NTNG1: variants seen among roughly 807,000 people sequenced by gnomAD.
NTNG1 encodes the protein netrin G1.
In NTNG1, 16 loss-of-function variants were observed where a neutral mutation model predicts 54.0. That is an observed-to-expected ratio of 0.30 (90% CI 0.20 to 0.45). The LOEUF (loss-of-function observed/expected upper bound fraction) is 0.45. Ranked by LOEUF, NTNG1 falls within the 20% of genes least tolerant of loss-of-function variation. The probability of loss-of-function intolerance (pLI) is 1.00; values close to 1 mark genes in which losing one functional copy is unlikely to be tolerated. For missense variants in NTNG1, 530 were observed against 678.7 expected, an observed-to-expected ratio of 0.78 and a Z score of 2.43; for synonymous variants, 255 against 263.1, an observed-to-expected ratio of 0.97 and a Z score of 0.30.
At chr1:107,387,314 T>G (rs541864176) in intron 3 of NTNG1, among the ~76,000 whole-genome samples, 1 of 152,192 alleles carries the variant, frequency 6.6e-6, no homozygotes, top group Admixed American at 6.5e-5. Context: ...GGCCAAAAAT[T>G]TTATTCTGGT....
intron 2 of NTNG1, among the ~76,000 whole-genome samples, chr1:107,262,261 A>T (rs1452191103): frequency 6.6e-6 from 1 of 152,226 alleles, no homozygotes; most frequent in Non-Finnish European, 1.5e-5. Flanking sequence ...ACAGGGACAC[A>T]TGAGTGGAGA....
intron 4 of NTNG1, among the ~76,000 whole-genome samples, chr1:107,405,555 A>G (rs1201386026): frequency 1.3e-5 from 2 of 152,164 alleles, no homozygotes; most frequent in African/African-American, 4.8e-5. Context: ...AAATTTCTGC[A>G]TCTTTCCAAA....
chr1:107,250,669 C>G (rs574682789), intron 2 of NTNG1, among the ~76,000 whole-genome samples: 1 of 152,218 alleles, frequency 6.6e-6, no homozygotes, highest in Non-Finnish European at 1.5e-5. Flanking sequence ...AAACTGCCTT[C>G]AACCTAACTC....
At chr1:107,340,260 G>A (rs1039014202) in intron 3 of NTNG1, among the ~76,000 whole-genome samples, 10 of 151,908 alleles carry the variant, frequency 6.6e-5, no homozygotes, top group South Asian at 6.2e-4. Flanking sequence ...CCCTAAGATA[G>A]GCATATCCAG....
intron 2 of NTNG1, among the ~76,000 whole-genome samples, chr1:107,164,150 T>C (rs1655600547): frequency 6.6e-6 from 1 of 152,192 alleles, no homozygotes; most frequent in African/African-American, 2.4e-5. Flanking sequence ...TAAAAAGAGG[T>C]GCTATTTCCT....
At chr1:107,410,421 T>G (rs909942670) in intron 5 of NTNG1, 1 of 152,154 alleles carries the variant, frequency 6.6e-6, no homozygotes, top group Non-Finnish European at 1.5e-5. Flanking sequence ...CCCATTAAGG[T>G]CATTCGTACC....
chr1:107,330,446 G>A (rs1300517095), intron 3 of NTNG1, among the ~76,000 whole-genome samples: 1 of 152,144 alleles, frequency 6.6e-6, no homozygotes, highest in Non-Finnish European at 1.5e-5. Context: ...GGAGAATCCA[G>A]AAAAGCTCTC....
intron 2 of NTNG1, among the ~76,000 whole-genome samples, chr1:107,228,021 A>C (rs971894020): frequency 6.6e-6 from 1 of 152,182 alleles, no homozygotes; most frequent in Non-Finnish European, 1.5e-5. Context: ...TGACTTCTAG[A>C]TAATAAATTA....
chr1:107,429,823 T>C (rs1675143570), intron 5 of NTNG1, among the ~76,000 whole-genome samples: 1 of 152,132 alleles, frequency 6.6e-6, no homozygotes, highest in Admixed American at 6.6e-5. Context: ...TGAATTGGAT[T>C]TACAACTTCT....
At chr1:107,335,648 T>G (rs1010250560) in intron 3 of NTNG1, among the ~76,000 whole-genome samples, 1 of 151,392 alleles carries the variant, frequency 6.6e-6, no homozygotes, top group Non-Finnish European at 1.5e-5. Context: ...AATTTTTATC[T>G]AATTAGTTAT....
intron 5 of NTNG1, among the ~76,000 whole-genome samples, chr1:107,427,551 C>T (rs1163097723): frequency 1.3e-5 from 2 of 152,000 alleles, no homozygotes; most frequent in Non-Finnish European, 2.9e-5. Context: ...ATTTGAAATA[C>T]TTTGCATTTA....
intron 3 of NTNG1, among the ~76,000 whole-genome samples, chr1:107,366,239 C>T (rs1557936987): frequency 6.6e-6 from 1 of 152,140 alleles, no homozygotes; most frequent in East Asian, 1.9e-4. Context: ...CAGTGTGGCA[C>T]AGTAGAGAGA....
intron 2 of NTNG1, among the ~76,000 whole-genome samples, chr1:107,177,689 A>T (rs539757714): frequency 1.3e-5 from 2 of 152,216 alleles, no homozygotes; most frequent in East Asian, 3.9e-4. Context: ...TTTTCTCCAT[A>T]ACTCTAGATA....
intron 2 of NTNG1, among the ~76,000 whole-genome samples, chr1:107,297,251 A>ATATATATG (rs1557878548): frequency 1.0e-3 from 142 of 140,316 alleles, no homozygotes; most frequent in African/African-American, 3.5e-3. Flanking sequence ...ATATATGCGC[A>ATATATATG]CACACACACA....
At chr1:107,454,467 G>C (rs554491645) in intron 7 of NTNG1, among the ~76,000 whole-genome samples, 1 of 152,008 alleles carries the variant, frequency 6.6e-6, no homozygotes, top group Non-Finnish European at 1.5e-5. Context: ...ATAGGCCTAA[G>C]ATGTTAACGG....
chr1:107,418,669 G>C, intron 5 of NTNG1: 4 of 1,518,038 alleles, frequency 2.6e-6, no homozygotes, highest in Non-Finnish European at 3.6e-6. Flanking sequence ...AAATTCCTAC[G>C]GACATAAAAT....
At chr1:107,353,748 G>A (rs894643924) in intron 3 of NTNG1, among the ~76,000 whole-genome samples, 2 of 152,116 alleles carry the variant, frequency 1.3e-5, no homozygotes, top group Non-Finnish European at 2.9e-5. Context: ...CTGAAACTGG[G>A]TACTTCATAA....
At chr1:107,388,624 G>C (rs1470000824) in intron 3 of NTNG1, among the ~76,000 whole-genome samples, 1 of 152,214 alleles carries the variant, frequency 6.6e-6, no homozygotes, top group African/African-American at 2.4e-5. Flanking sequence ...TTCAGACAAT[G>C]GTAGCTTTGT....
At chr1:107,217,566 A>C (rs1660056537) in intron 2 of NTNG1, among the ~76,000 whole-genome samples, 1 of 151,970 alleles carries the variant, frequency 6.6e-6, no homozygotes, top group Non-Finnish European at 1.5e-5. Context: ...GTGCTCTTTC[A>C]GCTTTTTGAT....
Sources: allele counts gnomAD v4.1 joint callset (sites outside exome capture counted in the v4.1 genomes callset), GRCh38; gene constraint gnomAD v4.1.1; transcripts MANE v1.5; gene names NCBI Gene and HGNC (gene_info 2026-07-23, HGNC 2026-07-21).